Variants in EYS observed in about 807,000 individuals in gnomAD.
EYS encodes protein eyes shut homolog.
Under a neutral mutation model 282.1 loss-of-function variants are expected in EYS, and 250 were observed. The ratio of observed to expected loss-of-function variants is 0.89; its 90% CI spans 0.80 to 0.98. EYS has a LOEUF of 0.98. Among genes scored for constraint, EYS ranks in the 50% least tolerant of loss-of-function variants. EYS has a pLI of 0.00. For missense variants in EYS, 4,016 were observed against 3,709.0 expected (o/e 1.08, Z -2.15); for synonymous variants, 1,355 against 1,282.9 (o/e 1.06, Z -1.20).
intron 5 of EYS, among the ~76,000 whole-genome samples, chr6:65,434,766 C>T (rs1015679425): frequency 1.3e-5 from 2 of 152,118 alleles, no homozygotes; most frequent in East Asian, 3.9e-4. Context: ...ACATATGCTA[C>T]TCTTTATATC....
chr6:64,547,900 C>G (rs971631444), intron 26 of EYS, among the ~76,000 whole-genome samples: 2 of 152,220 alleles, frequency 1.3e-5, no homozygotes, highest in Non-Finnish European at 2.9e-5. Flanking sequence ...GCAAGAAGTC[C>G]AGCACAGCAG....
chr6:64,922,089 G>A (rs1168944091), intron 15 of EYS, among the ~76,000 whole-genome samples: 1 of 152,182 alleles, frequency 6.6e-6, no homozygotes, highest in Non-Finnish European at 1.5e-5. Context: ...AACATTGAGG[G>A]CCCATGAAGG....
chr6:64,176,163 G>A (rs982004965), intron 31 of EYS, among the ~76,000 whole-genome samples: 8 of 152,038 alleles, frequency 5.3e-5, no homozygotes, highest in African/African-American at 1.9e-4. Flanking sequence ...AGTGGGGATG[G>A]GAGGAATGGA....
At chr6:64,598,764 T>C (rs1202063560) in intron 24 of EYS, among the ~76,000 whole-genome samples, 1 of 152,232 alleles carries the variant, frequency 6.6e-6, no homozygotes, top group Non-Finnish European at 1.5e-5. Flanking sequence ...CTCCATTATA[T>C]ACTTTGTATT....
intron 8 of EYS, among the ~76,000 whole-genome samples, chr6:65,377,915 C>A (rs779817452): frequency 2.6e-5 from 4 of 151,976 alleles, no homozygotes; most frequent in African/African-American, 9.7e-5. Context: ...TTAATTAATA[C>A]CCTACCAACC....
chr6:64,087,267 C>T (rs763513175), intron 31 of EYS, among the ~76,000 whole-genome samples: 6 of 152,108 alleles, frequency 3.9e-5, no homozygotes, highest in Non-Finnish European at 8.8e-5. Flanking sequence ...GTGACTACTA[C>T]ATCCCAAATA....
intron 22 of EYS, among the ~76,000 whole-genome samples, chr6:64,671,477 T>C (rs1307577797): frequency 6.6e-6 from 1 of 152,114 alleles, no homozygotes; most frequent in Non-Finnish European, 1.5e-5. Flanking sequence ...CAAATTTCTG[T>C]TGTTTATAAG....
chr6:64,897,791 AAG>A (rs1460223564), intron 18 of EYS, among the ~76,000 whole-genome samples: 1 of 152,232 alleles, frequency 6.6e-6, no homozygotes, highest in Non-Finnish European at 1.5e-5. Flanking sequence ...GCCACAGCAC[AAG>A]AACTTTGTGA....
intron 12 of EYS, among the ~76,000 whole-genome samples, chr6:65,263,705 G>A (rs1252952874): frequency 3.1e-5 from 4 of 127,820 alleles, no homozygotes; most frequent in Middle Eastern, 3.5e-3. Context: ...AGGCAAAGCT[G>A]TGTGTGTGTG....
At chr6:64,968,680 T>A (rs1005341839) in intron 14 of EYS, among the ~76,000 whole-genome samples, 10 of 152,274 alleles carry the variant, frequency 6.6e-5, no homozygotes, top group African/African-American at 2.4e-4. Flanking sequence ...CTACTCCATG[T>A]TTATTTTCTT....
chr6:65,537,408 C>T (rs942264689), intron 2 of EYS, among the ~76,000 whole-genome samples: 2 of 151,998 alleles, frequency 1.3e-5, no homozygotes, highest in Admixed American at 1.3e-4. Flanking sequence ...GTAAATTAAA[C>T]CCTAAACATT....
chr6:65,174,726 TAAATTGTTGC>T (rs1283626046), intron 12 of EYS, among the ~76,000 whole-genome samples: 1 of 151,352 alleles, frequency 6.6e-6, no homozygotes, highest in Non-Finnish European at 1.5e-5. Context: ...GACTGATCCA[TAAATTGTTGC>T]AAATCATCTA....
At chr6:63,898,837 G>A (rs1773596863) in intron 35 of EYS, among the ~76,000 whole-genome samples, 1 of 152,112 alleles carries the variant, frequency 6.6e-6, no homozygotes, top group Non-Finnish European at 1.5e-5. Context: ...AGTATATATT[G>A]ATGGAATCAT....
At chr6:64,289,072 C>A (rs989506556) in intron 30 of EYS, among the ~76,000 whole-genome samples, 2 of 152,060 alleles carry the variant, frequency 1.3e-5, no homozygotes, top group Non-Finnish European at 2.9e-5. Flanking sequence ...TGATTCTCAG[C>A]AGCTCCAAGC....
intron 12 of EYS, among the ~76,000 whole-genome samples, chr6:65,120,975 C>A (rs1775531358): frequency 6.6e-6 from 1 of 152,042 alleles, no homozygotes; most frequent in South Asian, 2.1e-4. Context: ...TCTGCTGCAC[C>A]ATCCTATGTC....
intron 30 of EYS, among the ~76,000 whole-genome samples, chr6:64,284,303 T>C (rs1481358963): frequency 1.3e-5 from 2 of 152,132 alleles, no homozygotes; most frequent in South Asian, 4.1e-4. Flanking sequence ...AAGTCCAAAG[T>C]CCAGCAGGAC....
At position 64,942,659 on chromosome 6, in the gene EYS, T is replaced by C. The variant is rs528574520; in HGVS notation, c.2381+3134A>G. 3.3e-5 allele frequency among the ~76,000 whole-genome samples: 5 copies of C among 151,224 alleles called. 1 individual carries two copies. Among genetic ancestry groups the C allele is most frequent in the African/African-American group, 2.4e-5 (1 of 41,202 alleles). On this transcript the variant is annotated intron_variant, in intron 15 of 42. Coordinates refer to ENST00000503581, the MANE Select transcript of EYS (RefSeq NM_001142800.2). ...CCTGGTAACACACCACCTCTCAAGATTGAATGAGAAAAAAATTGAAATCCT... is the reference window on the plus strand; with the variant it reads ...CCTGGTAACACACCACCTCTCAAGACTGAATGAGAAAAAAATTGAAATCCT...
intron 22 of EYS, among the ~76,000 whole-genome samples, chr6:64,723,361 A>G (rs1374375989): frequency 2.6e-5 from 4 of 152,200 alleles, no homozygotes; most frequent in Non-Finnish European, 5.9e-5. Flanking sequence ...TTGTTTTTGT[A>G]AAGGACAGAG....
At chr6:65,167,067 G>A (rs1309770645) in intron 12 of EYS, among the ~76,000 whole-genome samples, 1 of 151,132 alleles carries the variant, frequency 6.6e-6, no homozygotes, top group African/African-American at 2.4e-5. Flanking sequence ...GTGGAGAAAT[G>A]GAACCTTGCA....
Sources: allele counts gnomAD v4.1 joint callset (sites outside exome capture counted in the v4.1 genomes callset), GRCh38; gene constraint gnomAD v4.1.1; transcripts MANE v1.5; gene names NCBI Gene and HGNC (gene_info 2026-07-23, HGNC 2026-07-21).